The following DPYSL3 variants were observed in gnomAD, a reference collection of about 807,000 sequenced individuals.
DPYSL3 encodes the protein dihydropyrimidinase like 3, also known as dihydropyrimidinase-related protein 3.
DPYSL3 carries 16 observed loss-of-function variants against 66.1 expected under a neutral mutation model. The observed-to-expected ratio is 0.24, with a 90% CI of 0.16 to 0.37. The LOEUF (loss-of-function observed/expected upper bound fraction) is 0.37, where lower values mean the gene tolerates loss of function less well. Among genes scored for constraint, DPYSL3 ranks in the 10% least tolerant of loss-of-function variants. The probability of loss-of-function intolerance (pLI) is 1.00; values close to 1 mark genes in which losing one functional copy is unlikely to be tolerated. For synonymous variants in DPYSL3, 338 were observed against 345.1 expected, an observed-to-expected ratio of 0.98 and a Z score of 0.23; for missense variants, 738 against 916.2, an observed-to-expected ratio of 0.81 and a Z score of 2.51.
chr5:147,489,177 T>C (rs189111590), intron 1 of DPYSL3, among the ~76,000 whole-genome samples: 187 of 152,312 alleles, frequency 1.2e-3, no homozygotes, highest in African/African-American at 4.4e-3. Context: ...TTAGCTACTG[T>C]GCTCACCTTT....
At chr5:147,485,750 G>A (rs1400593617) in intron 1 of DPYSL3, among the ~76,000 whole-genome samples, 1 of 152,164 alleles carries the variant, frequency 6.6e-6, no homozygotes, top group African/African-American at 2.4e-5. Context: ...AGAAATTGGA[G>A]TCTCAGCTCC....
intron 1 of DPYSL3, among the ~76,000 whole-genome samples, chr5:147,452,881 GCACACACACACACACACACA>G (rs3995474): frequency 6.5e-5 from 9 of 137,452 alleles, no homozygotes; most frequent in African/African-American, 1.1e-4. Context: ...TGCATCGAAG[GCACACACACACACACACACA>G]CACACACACA....
chr5:147,401,659 G>C lies in DPYSL3; in HGVS notation c.1191C>G (p.Leu397=), dbSNP rs374362949. 1 of 1,614,122 alleles carries C rather than the reference G, an allele frequency of 6.2e-7. No individual in the cohort carries two copies. The highest frequency in any genetic ancestry group is 8.5e-7 in the Non-Finnish European group (1 of 1,180,014). ...VVFGEPITAS[L]GIDGTHYWSK... is the part of the protein sequence containing the mutation. The stretch of plus-strand genomic sequence containing the variant: ...TCCAATAATGGGTTCCATCTATGCC[G>C]AGGCTGGCAGTGATGGGCTCACCAA... The change falls in exon 9 of 14, where the codon CTC becomes CTG. Residue 397 remains leucine, a synonymous_variant. Coordinates refer to ENST00000343218, the MANE Select transcript of DPYSL3 (RefSeq NM_001197294.2).
Position 147,509,150 on chromosome 5 carries a change from A to G in DPYSL3, c.381+328T>C, listed in dbSNP as rs1753721515. On this transcript the variant is annotated intron_variant, in intron 1 of 13. Transcript: ENST00000343218. This position sits in a 1 kb window ranked among gnomAD's most constrained non-coding sequence, Gnocchi z 5.3. Reference sequence around the variant, plus strand: ...TGGCTACTAGAGAGAAGAGCTGGAAATCACTAAGCCTTCCCGGGCTGACAC... The same window carrying G: ...TGGCTACTAGAGAGAAGAGCTGGAAGTCACTAAGCCTTCCCGGGCTGACAC... Among the ~76,000 whole-genome samples, 1 of 152,146 alleles carries G rather than the reference A, an allele frequency of 6.6e-6. No homozygotes were observed. The highest frequency in any genetic ancestry group is 2.1e-4 in the South Asian group (1 of 4,826).
rs961253815 is a variant in DPYSL3, at chr5:147,391,201, C to T, written c.*2834G>A. 11 of 152,572 alleles carry T rather than the reference C, an allele frequency of 7.2e-5. No homozygotes were observed. Among genetic ancestry groups the T allele is most frequent in the African/African-American group, 2.7e-4 (11 of 41,448 alleles). 9.5% of individuals were successfully genotyped at this position (152,572 alleles called of 1,614,324 possible). On this transcript the variant is annotated 3_prime_UTR_variant, in exon 14 of 14. Transcript: ENST00000343218. ...TCAGGGATGAGTGAAAATCCAGGCT[C>T]AGGTGTCAGCCCTTTGTGGAAACAT...
At chr5:147,423,068 G>A (rs1752116610) in intron 2 of DPYSL3, among the ~76,000 whole-genome samples, 1 of 152,096 alleles carries the variant, frequency 6.6e-6, no homozygotes, top group African/African-American at 2.4e-5. Flanking sequence ...AAATGAGGAA[G>A]CATTTGGTAA....
rs74293383 is a variant in DPYSL3 at position 147,455,888 on chromosome 5, T to C, written c.382-30925A>G. On this transcript the variant is annotated intron_variant, in intron 1 of 13. Coordinates refer to ENST00000343218, the MANE Select transcript of DPYSL3 (RefSeq NM_001197294.2). ...GAACACTCTTTACTAAATAGATTTA[T>C]ACCATATTTTTGATCACTTGATTGT... Among the ~76,000 whole-genome samples the C allele has an allele frequency of 8.6e-5, 13 of 151,980 alleles. No homozygotes were observed. The East Asian group carries it at 1.5e-3, about 18-fold the overall frequency.
chr5:147,434,261 G>A (rs1752373591), intron 1 of DPYSL3, among the ~76,000 whole-genome samples: 1 of 152,216 alleles, frequency 6.6e-6, no homozygotes, highest in African/African-American at 2.4e-5. Flanking sequence ...CCAAGTCAGT[G>A]CTTTAGAGAG....
chr5:147,469,250 A>G (rs1174684743), intron 1 of DPYSL3, among the ~76,000 whole-genome samples: 1 of 152,228 alleles, frequency 6.6e-6, no homozygotes, highest in Non-Finnish European at 1.5e-5. Flanking sequence ...ACTGTTCTTT[A>G]GGTCCCCTTG....
At chr5:147,417,870 T>C (rs1752002056) in intron 3 of DPYSL3, among the ~76,000 whole-genome samples, 1 of 152,204 alleles carries the variant, frequency 6.6e-6, no homozygotes, top group Non-Finnish European at 1.5e-5. Flanking sequence ...AAGTCAAAGA[T>C]GCAGATGCCT....
At chr5:147,442,529 G>A (rs1049734848) in intron 1 of DPYSL3, among the ~76,000 whole-genome samples, 6 of 152,094 alleles carry the variant, frequency 3.9e-5, no homozygotes, top group African/African-American at 7.2e-5. Flanking sequence ...GAGTGACTTC[G>A]GGAAGATTAC....
intron 1 of DPYSL3, among the ~76,000 whole-genome samples, chr5:147,489,606 T>C (rs758835642): frequency 1.2e-4 from 19 of 152,156 alleles, no homozygotes; most frequent in South Asian, 4.1e-4. Flanking sequence ...TTGAACCTCA[T>C]ATTTGTGCCT....
Position 147,393,914 on chromosome 5 carries a change from G to T in DPYSL3, c.*121C>A. 2.1e-6 allele frequency: 2 copies of T among 966,860 alleles called. No homozygotes were observed. The highest frequency in any genetic ancestry group is 3.2e-6 in the Non-Finnish European group (2 of 630,416). 59.9% of individuals were successfully genotyped at this position (966,860 alleles called of 1,614,324 possible). A position where few individuals can be genotyped will look rare whatever the true frequency, so the allele number is the denominator to read the frequency against. On this transcript the variant is annotated 3_prime_UTR_variant, in exon 14 of 14. Coordinates refer to ENST00000343218, the MANE Select transcript of DPYSL3 (RefSeq NM_001197294.2). ...ACATTGGAGAAACATAAGGCTTGAG[G>T]CTTATTGATTCTTTAGATCACAACC... is the stretch of plus-strand genomic sequence containing the variant.
rs193205163 is a variant in DPYSL3 at position 147,502,406 on chromosome 5, C to G, written c.381+7072G>C. ...ACACACACACACACACACACATATA[C>G]ACACAGATGGGAAGAAAATACACTC... On this transcript the variant is annotated intron_variant, in intron 1 of 13. Transcript: ENST00000343218. Among the ~76,000 whole-genome samples the G allele has an allele frequency of 2.1e-3, 314 of 151,138 alleles. 1 individual carries two copies. Among genetic ancestry groups the G allele is most frequent in the African/African-American group, 6.9e-3 (280 of 40,608 alleles).
In DPYSL3 at chr5:147,401,689, T is replaced by A; in HGVS notation, c.1161A>T (p.Val387=). The A allele has an allele frequency of 2.5e-6, 4 of 1,614,046 alleles. No homozygotes were observed. Among genetic ancestry groups the A allele is most frequent in the Non-Finnish European group, 3.4e-6 (4 of 1,180,008 alleles). The change falls in exon 9 of 14, where the codon GTA becomes GTT. Residue 387 remains valine, a synonymous_variant. Transcript: ENST00000343218. ...TGGCAGTGATGGGCTCACCAAAGACTACATTTCCTAGAAGGGGCAGGAAAC... is the reference window on the plus strand; with the variant it reads ...TGGCAGTGATGGGCTCACCAAAGACAACATTTCCTAGAAGGGGCAGGAAAC... The part of the protein sequence containing the change: ...LISQARKKGN[V]VFGEPITASL...
At chr5:147,466,639 A>C (rs1451063497) in intron 1 of DPYSL3, among the ~76,000 whole-genome samples, 1 of 152,212 alleles carries the variant, frequency 6.6e-6, no homozygotes, top group Non-Finnish European at 1.5e-5. Context: ...GTTCACTCCC[A>C]GAAGGATGTG....
In DPYSL3 at chr5:147,498,528, T is replaced by C. The variant is rs145528883; in HGVS notation, c.381+10950A>G. ...GGAATTGCCACACCGTCTTCCACAA[T>C]GGCTGAACTAATTTACACTCCCACC... On this transcript the variant is annotated intron_variant, in intron 1 of 13. Transcript: ENST00000343218. Among the ~76,000 whole-genome samples the C allele has an allele frequency of 6.5e-3, 990 of 152,326 alleles. 5 individuals carry two copies. Among genetic ancestry groups the C allele is most frequent in the Middle Eastern group, 0.014 (4 of 294 alleles).
chr5:147,500,897 A>C (rs1753596845), intron 1 of DPYSL3, among the ~76,000 whole-genome samples: 1 of 152,208 alleles, frequency 6.6e-6, no homozygotes, highest in African/African-American at 2.4e-5. Flanking sequence ...CCACTTTGGA[A>C]GACAATTTGG....
chr5:147,408,770 C>T lies in DPYSL3; in HGVS notation c.990G>A (p.Gly330=), dbSNP rs34332356. 178 of 1,614,178 alleles carry T rather than the reference C, an allele frequency of 1.1e-4. No individual in the cohort carries two copies. In the African/African-American group the frequency reaches 1.8e-3, roughly 16 times the overall value. Residue 330 remains glycine, a synonymous_variant, in exon 7 of 14, where the codon GGG becomes GGA. Transcript: ENST00000343218. ...GTACATGGCCTTCTGGGCCAGTTAT[C>T]CCCATTTCCAACATGCGGGTTTGCT... ...AQEQTRMLEM[G]ITGPEGHVLS...
Sources: allele counts gnomAD v4.1 joint callset (sites outside exome capture counted in the v4.1 genomes callset), GRCh38; gene constraint gnomAD v4.1.1; non-coding constraint Gnocchi (gnomAD v3.1); transcripts MANE v1.5; gene names NCBI Gene and HGNC (gene_info 2026-07-23, HGNC 2026-07-21).